MAN2B2: variants seen among roughly 807,000 people sequenced by gnomAD.
The protein encoded by MAN2B2 is mannosidase alpha class 2B member 2.
A neutral mutation model predicts 117.1 loss-of-function variants in MAN2B2; 106 were observed. That is an observed-to-expected ratio of 0.90 (90% confidence interval 0.77 to 1.06). MAN2B2 has a LOEUF of 1.06. Ranked by LOEUF, MAN2B2 falls within the 50% of genes least tolerant of loss-of-function variation. The pLI, the probability that MAN2B2 is intolerant of heterozygous loss-of-function variation, is 0.00. For synonymous variants in MAN2B2, 544 were observed against 595.1 expected (o/e 0.91, Z 1.25); for missense variants, 1,326 against 1,381.4 (o/e 0.96, Z 0.64).
At chr4:6,578,538 C>G (rs755547496) in intron 3 of MAN2B2, 40 bp downstream of exon 3, 1 of 1,547,632 alleles carries the variant, frequency 6.5e-7, no homozygotes, top group Non-Finnish European at 8.9e-7. Context: ...CCCTCAGGAC[C>G]TCCAGTGGGG....
At chr4:6,579,310 C>CCACCACCATCACCACCACCACCACCAT (rs1726303904) in intron 3 of MAN2B2, among the ~76,000 whole-genome samples, 3 of 72,690 alleles carry the variant, frequency 4.1e-5, no homozygotes. Flanking sequence ...ATCACCACCA[C>CCACCACCATCACCACCACCACCACCAT]CACCACCATC....
chr4:6,599,662 CAAA>C (rs34126657), intron 9 of MAN2B2, among the ~76,000 whole-genome samples: 10 of 93,372 alleles, frequency 1.1e-4, no homozygotes, highest in Non-Finnish European at 1.1e-4. Context: ...GACTCCGTCT[CAAA>C]AAAAAAAAAA....
At chr4:6,615,617 C>CTAGT (rs1711826904) in intron 16 of MAN2B2, among the ~76,000 whole-genome samples, 2 of 151,934 alleles carry the variant, frequency 1.3e-5, no homozygotes, top group Admixed American at 1.3e-4. Flanking sequence ...GGCAACATAG[C>CTAGT]TAGACTCTGT....
At chr4:6,575,943 A>G (rs771253187) in intron 1 of MAN2B2, among the ~76,000 whole-genome samples, 13 of 152,184 alleles carry the variant, frequency 8.5e-5, no homozygotes, top group Non-Finnish European at 1.6e-4. Flanking sequence ...GCCTTGCCCA[A>G]GGTCGCTCGG....
chr4:6,575,745 C>T (rs1452635508), intron 1 of MAN2B2, among the ~76,000 whole-genome samples: 1 of 152,186 alleles, frequency 6.6e-6, no homozygotes. Flanking sequence ...TGGAGGCCAG[C>T]TCAGCGTCCT....
At chr4:6,587,434 C>T (rs1237245909) in intron 4 of MAN2B2, among the ~76,000 whole-genome samples, 1 of 152,156 alleles carries the variant, frequency 6.6e-6, no homozygotes, top group South Asian at 2.1e-4. Context: ...ATCAGCTGGG[C>T]CTGAGGCGGG....
rs369552108 is a variant in MAN2B2 at position 6,597,115 on chromosome 4, C to T, written c.1060C>T (p.Pro354Ser). The T allele has an allele frequency of 1.2e-6, 2 of 1,612,946 alleles. No homozygotes were observed. The highest frequency in any genetic ancestry group is 1.7e-5 in the Admixed American group (1 of 59,878). Residue 354 changes from proline (P) to serine (S), a missense_variant and splice_region_variant, in exon 8 of 19, where the codon CCA becomes TCA. Pro to Ser is a moderately conservative substitution (Grantham distance 74). Coordinates refer to ENST00000285599, the MANE Select transcript of MAN2B2 (RefSeq NM_015274.3). ...CACCATCTTCCCTTGTCTCCCAGAACCATTCCAGGCCTGGACGGGCTTCTA... is the reference window on the plus strand; with the variant it reads ...CACCATCTTCCCTTGTCTCCCAGAATCATTCCAGGCCTGGACGGGCTTCTA... ...HHDFLPYSTE[P>S]FQAWTGFYTS...
Position 6,594,573 on chromosome 4 carries a change from G to A in MAN2B2, c.898G>A (p.Ala300Thr), listed in dbSNP as rs879327910. 1 of 1,613,644 alleles carries A rather than the reference G, an allele frequency of 6.2e-7. No individual in the cohort carries two copies. Among genetic ancestry groups the A allele is most frequent in the Non-Finnish European group, 8.5e-7 (1 of 1,180,038 alleles). The part of the protein sequence containing the change: ...KQFFNASVQF[A>T]NMDPLLDHIN... The stretch of plus-strand genomic sequence containing the variant: ...GTTCTTCAATGCCTCGGTGCAGTTT[G>A]CCAACATGGACCCGCTGCTGGACCA... The change falls in exon 7 of 19, where the codon GCC becomes ACC. Residue 300 changes from alanine (A) to threonine (T), a missense_variant. Physicochemically the swap from Ala to Thr is moderately conservative, Grantham distance 58. Coordinates refer to ENST00000285599, the MANE Select transcript of MAN2B2 (RefSeq NM_015274.3).
At position 6,587,121 on chromosome 4, in the gene MAN2B2, G is replaced by A. The variant is rs147138092; in HGVS notation, c.517G>A (p.Gly173Ser). ...GCTGGCGGGCTTCAATGCCCACCTC[G>A]GCTCCCGGATCGACTACGACCTGAA... Reference protein sequence around the residue: ...FALAGFNAHLGSRIDYDLKAA... With the variant: ...FALAGFNAHLSSRIDYDLKAA... The change falls in exon 4 of 19, where the codon GGC (glycine) becomes AGC (serine). Residue 173 changes from glycine to serine, a missense_variant. Gly to Ser is a moderately conservative substitution (Grantham distance 56). Coordinates refer to ENST00000285599, the MANE Select transcript of MAN2B2 (RefSeq NM_015274.3). The A allele has an allele frequency of 2.4e-5, 38 of 1,613,834 alleles. No homozygotes were observed. Among genetic ancestry groups the A allele is most frequent in the South Asian group, 1.3e-4 (12 of 91,072 alleles).
intron 12 of MAN2B2, 169 bp from the exon 13 acceptor site, chr4:6,609,629 A>C: frequency 1.2e-6 from 1 of 840,120 alleles, no homozygotes; most frequent in Non-Finnish European, 1.8e-6. Context: ...GGCTGCTCCC[A>C]GCCGCTCGGG....
chr4:6,620,309 G>A (rs542354543), intron 18 of MAN2B2: 2 of 356,538 alleles, frequency 5.6e-6, no homozygotes, highest in Non-Finnish European at 1.1e-5. Flanking sequence ...CCCTGCCTGT[G>A]CCCTGGGTGA....
chr4:6,600,562 G>T, intron 9 of MAN2B2, 61 bp from the exon 10 acceptor site: 1 of 1,585,356 alleles, frequency 6.3e-7, no homozygotes, highest in South Asian at 1.1e-5. Context: ...TGCAGCCAGT[G>T]AGCACCCCAT....
rs1727133279 is a variant in MAN2B2, at chr4:6,597,197, C to G, written c.1142C>G (p.Ala381Gly). ...LARRASALLY[A>G]GESMFTRYLW... is the part of the protein sequence containing the mutation. ...CGGCGAGCCAGCGCCTTGTTGTATG[C>G]CGGGGAGTCCATGTTCACACGCTAC... Residue 381 changes from alanine (A) to glycine (G), a missense_variant, in exon 8 of 19, where the codon GCC becomes GGC. Transcript: ENST00000285599. 1 of 1,612,176 alleles carries G rather than the reference C, an allele frequency of 6.2e-7. No homozygotes were observed. Among genetic ancestry groups the G allele is most frequent in the South Asian group, 1.1e-5 (1 of 90,936 alleles).
Position 6,609,395 on chromosome 4 carries a change from A to T in MAN2B2, c.2006+97A>T, listed in dbSNP as rs1727677816. 2.4e-6 allele frequency: 3 copies of T among 1,231,866 alleles called. No homozygotes were observed. In the South Asian group the frequency reaches 4.4e-5, roughly 18 times the overall value. 76.3% of individuals were successfully genotyped at this position (1,231,866 alleles called of 1,614,324 possible). On this transcript the variant is annotated intron_variant, in intron 12 of 18. Coordinates refer to ENST00000285599, the MANE Select transcript of MAN2B2 (RefSeq NM_015274.3). Reference sequence around the variant, plus strand: ...AGGGTCTGTCTTTGCTCTGAACCCCAGCTTCCGGGCCGTGGTTGACACGTG... The same window carrying T: ...AGGGTCTGTCTTTGCTCTGAACCCCTGCTTCCGGGCCGTGGTTGACACGTG...
chr4:6,591,723 T>C (rs1288622098), intron 5 of MAN2B2, among the ~76,000 whole-genome samples: 1 of 152,168 alleles, frequency 6.6e-6, no homozygotes, highest in Non-Finnish European at 1.5e-5. Context: ...GTACACCTTC[T>C]TCCCCAGAAG....
intron 6 of MAN2B2, 122 bp downstream of exon 6, chr4:6,593,472 G>A (rs1726939640): frequency 1.0e-6 from 1 of 979,958 alleles, no homozygotes; most frequent in East Asian, 3.1e-5. Context: ...TCAGCCCAGT[G>A]GCTCCATCCT....
At chr4:6,600,859 C>G in intron 10 of MAN2B2, 103 bp downstream of exon 10, 1 of 1,388,862 alleles carries the variant, frequency 7.2e-7, no homozygotes, top group Non-Finnish European at 9.7e-7. Flanking sequence ...GCCTTATCAC[C>G]TTTGTTTTAC....
chr4:6,615,012 T>C lies in MAN2B2; in HGVS notation c.2701+657T>C, dbSNP rs74629164. ...CCCCAGCTGCACCTCCTCTGCCCCCTCTACACCGTGAGCAGTGGAAAGGCA... is the reference window on the plus strand; with the variant it reads ...CCCCAGCTGCACCTCCTCTGCCCCCCCTACACCGTGAGCAGTGGAAAGGCA... On this transcript the variant is annotated intron_variant, in intron 16 of 18. Transcript: ENST00000285599. Among the ~76,000 whole-genome samples the C allele has an allele frequency of 5.6e-3, 847 of 152,304 alleles. 8 individuals carry two copies. The highest frequency in any genetic ancestry group is 7.8e-3 in the Non-Finnish European group (530 of 68,036).
chr4:6,610,118 T>C, intron 13 of MAN2B2, 68 bp downstream of exon 13: 1 of 1,591,540 alleles, frequency 6.3e-7, no homozygotes, highest in Admixed American at 1.7e-5. Context: ...AAGCATCAAA[T>C]TGCAGCAGTA....
Sources: allele counts gnomAD v4.1 joint callset (sites outside exome capture counted in the v4.1 genomes callset), GRCh38; gene constraint gnomAD v4.1.1; transcripts MANE v1.5; gene names NCBI Gene and HGNC (gene_info 2026-07-23, HGNC 2026-07-21).